CTNNA3: variants seen among roughly 807,000 people sequenced by gnomAD.
CTNNA3 encodes catenin alpha-3.
A neutral mutation model predicts 95.7 loss-of-function variants in CTNNA3; 76 were observed. That is an observed-to-expected ratio of 0.79 (90% confidence interval 0.66 to 0.96). The LOEUF is 0.96. CTNNA3 is among the 40% of genes least tolerant of loss of function. The pLI, the probability that CTNNA3 is intolerant of heterozygous loss-of-function variation, is 0.00. For synonymous variants in CTNNA3, 431 were observed against 374.4 expected, an observed-to-expected ratio of 1.15 and a Z score of -1.74; for missense variants, 1,191 against 1,089.8, an observed-to-expected ratio of 1.09 and a Z score of -1.31.
At chr10:67,226,311 T>C (rs1397515449) in intron 5 of CTNNA3, among the ~76,000 whole-genome samples, 1 of 152,134 alleles carries the variant, frequency 6.6e-6, no homozygotes, top group African/African-American at 2.4e-5. Context: ...AGGGGAATAA[T>C]CAAGGAAAAC....
intron 5 of CTNNA3, among the ~76,000 whole-genome samples, chr10:67,387,223 G>C (rs983736070): frequency 6.6e-6 from 1 of 152,200 alleles, no homozygotes. Flanking sequence ...AGCCGAAGCA[G>C]GGTGAGGCAT....
chr10:67,664,851 A>G (rs1459567948), intron 1 of CTNNA3, among the ~76,000 whole-genome samples: 1 of 152,214 alleles, frequency 6.6e-6, no homozygotes, highest in Non-Finnish European at 1.5e-5. Context: ...ATCAAAAATC[A>G]TGAGTTTCTC....
At chr10:67,661,701 C>T (rs1250611861) in intron 1 of CTNNA3, among the ~76,000 whole-genome samples, 1 of 151,914 alleles carries the variant, frequency 6.6e-6, no homozygotes, top group Non-Finnish European at 1.5e-5. Context: ...AAAAACAACT[C>T]AACTCTTTAA....
At chr10:66,515,923 T>A (rs1840837479) in intron 11 of CTNNA3, among the ~76,000 whole-genome samples, 1 of 152,102 alleles carries the variant, frequency 6.6e-6, no homozygotes, top group Non-Finnish European at 1.5e-5. Flanking sequence ...CCAAGCCATA[T>A]CAATCATTCT....
chr10:65,967,263 G>A (rs1302050346), intron 16 of CTNNA3, among the ~76,000 whole-genome samples: 6 of 151,988 alleles, frequency 3.9e-5, no homozygotes, highest in South Asian at 4.1e-4. Flanking sequence ...GCCAAGAAAC[G>A]TTAAAATAAT....
chr10:66,681,550 G>T (rs1847068717), intron 9 of CTNNA3, among the ~76,000 whole-genome samples: 1 of 152,078 alleles, frequency 6.6e-6, no homozygotes, highest in Non-Finnish European at 1.5e-5. Context: ...CGGAGTCCTG[G>T]CCTAAATAAA....
At chr10:66,657,545 C>G (rs1384948400) in intron 9 of CTNNA3, among the ~76,000 whole-genome samples, 1 of 152,138 alleles carries the variant, frequency 6.6e-6, no homozygotes, top group African/African-American at 2.4e-5. Flanking sequence ...TTATTTCAGG[C>G]ACTTCTCTCC....
intron 11 of CTNNA3, among the ~76,000 whole-genome samples, chr10:66,428,724 T>C (rs2093266883): frequency 1.3e-5 from 2 of 152,022 alleles, no homozygotes; most frequent in African/African-American, 4.8e-5. Context: ...AGACATAACA[T>C]ACTAGAATAT....
intron 9 of CTNNA3, among the ~76,000 whole-genome samples, chr10:66,652,095 A>G (rs1845928099): frequency 2.0e-5 from 1 of 48,904 alleles, no homozygotes; most frequent in Non-Finnish European, 3.8e-5. Flanking sequence ...ACCTCAAGGA[A>G]CTAAAAAAAA....
chr10:66,192,590 A>T (rs183101520), intron 13 of CTNNA3, among the ~76,000 whole-genome samples: 1 of 152,280 alleles, frequency 6.6e-6, no homozygotes, highest in East Asian at 1.9e-4. Context: ...AGTGCTTAAC[A>T]TGTGTTACAA....
At chr10:66,588,627 T>C (rs1843441267) in intron 10 of CTNNA3, among the ~76,000 whole-genome samples, 1 of 152,156 alleles carries the variant, frequency 6.6e-6, no homozygotes, top group Non-Finnish European at 1.5e-5. Context: ...ATTTGAAGAC[T>C]AGTTAGCATA....
At chr10:67,409,174 T>C (rs1382468227) in intron 5 of CTNNA3, among the ~76,000 whole-genome samples, 1 of 152,182 alleles carries the variant, frequency 6.6e-6, no homozygotes, top group Non-Finnish European at 1.5e-5. Flanking sequence ...GAAGACAGTG[T>C]GGTGATTCCT....
chr10:66,865,681 C>T (rs560251390), intron 7 of CTNNA3, among the ~76,000 whole-genome samples: 2 of 151,958 alleles, frequency 1.3e-5, no homozygotes, highest in South Asian at 4.2e-4. Context: ...CAAGATATTT[C>T]CTTTTTCATT....
At chr10:66,422,014 T>C (rs68118260) in intron 11 of CTNNA3, among the ~76,000 whole-genome samples, 2 of 150,664 alleles carry the variant, frequency 1.3e-5, no homozygotes, top group African/African-American at 2.4e-5. Context: ...ATGGATTGTA[T>C]TTTTTCCAAA....
intron 7 of CTNNA3, among the ~76,000 whole-genome samples, chr10:67,060,172 G>T (rs1855680545): frequency 2.6e-5 from 4 of 152,076 alleles, no homozygotes; most frequent in Non-Finnish European, 4.4e-5. Context: ...CATAAAATTA[G>T]CTGGGTGTGA....
intron 1 of CTNNA3, among the ~76,000 whole-genome samples, chr10:67,727,639 T>C (rs1185213825): frequency 7.8e-6 from 1 of 128,562 alleles, no homozygotes; most frequent in Admixed American, 9.0e-5. Flanking sequence ...TTATATATTA[T>C]ATATTATTAT....
At chr10:67,451,047 G>C (rs1041793541) in intron 5 of CTNNA3, among the ~76,000 whole-genome samples, 1 of 151,998 alleles carries the variant, frequency 6.6e-6, no homozygotes, top group East Asian at 1.9e-4. Flanking sequence ...GGCCATGAAG[G>C]CTCCATCCTC....
intron 10 of CTNNA3, among the ~76,000 whole-genome samples, chr10:66,569,484 T>A (rs1842805359): frequency 6.6e-6 from 1 of 152,162 alleles, no homozygotes; most frequent in Admixed American, 6.6e-5. Context: ...TCAAAAGTAA[T>A]CATCTCAGTA....
intron 5 of CTNNA3, among the ~76,000 whole-genome samples, chr10:67,388,489 G>T (rs1335283501): frequency 1.6e-5 from 2 of 128,142 alleles, no homozygotes; most frequent in African/African-American, 6.1e-5. Flanking sequence ...ACACTCTGCA[G>T]GATATTATCC....
Sources: allele counts gnomAD v4.1 joint callset (sites outside exome capture counted in the v4.1 genomes callset), GRCh38; gene constraint gnomAD v4.1.1; transcripts MANE v1.5; gene names NCBI Gene and HGNC (gene_info 2026-07-23, HGNC 2026-07-21).